Variants in ETNK1 observed in about 807,000 individuals in gnomAD.
The protein encoded by ETNK1 is putative protein product of Nbla10396.
Under a neutral mutation model 45.1 loss-of-function variants are expected in ETNK1, and 8 were observed. The ratio of observed to expected loss-of-function variants is 0.18; its 90% CI spans 0.10 to 0.32. The LOEUF (loss-of-function observed/expected upper bound fraction) is 0.32, where lower values mean the gene tolerates loss of function less well. Among genes scored for constraint, ETNK1 ranks in the 10% least tolerant of loss-of-function variants. ETNK1 has a pLI of 1.00. For synonymous variants in ETNK1, 152 were observed against 151.9 expected (o/e 1.00, Z -0.01); for missense variants, 302 against 430.6 (o/e 0.70, Z 2.64).
chr12:22,644,381 C>T, intron 2 of ETNK1: 2 of 1,354,676 alleles, frequency 1.5e-6, no homozygotes, highest in East Asian at 5.5e-5. Context: ...TTTCAGAGTT[C>T]TTGCCTATTA....
intron 2 of ETNK1, among the ~76,000 whole-genome samples, chr12:22,649,736 A>G (rs1328085821): frequency 1.3e-5 from 2 of 152,094 alleles, no homozygotes; most frequent in African/African-American, 4.8e-5. Flanking sequence ...TTTACATTTT[A>G]AAATGGACTT....
At chr12:22,629,340 T>A (rs1953545325) in intron 1 of ETNK1, among the ~76,000 whole-genome samples, 1 of 152,166 alleles carries the variant, frequency 6.6e-6, no homozygotes, top group South Asian at 2.1e-4. Context: ...GGTTTTTGCC[T>A]GTTATTGAAT....
chr12:22,681,632 A>T (rs1422219865), intron 6 of ETNK1, among the ~76,000 whole-genome samples: 1 of 148,872 alleles, frequency 6.7e-6, no homozygotes, highest in Non-Finnish European at 1.5e-5. Context: ...ACATTTAAGT[A>T]TATATATATA....
intron 1 of ETNK1, among the ~76,000 whole-genome samples, chr12:22,633,974 C>T (rs891941351): frequency 1.3e-5 from 2 of 152,036 alleles, no homozygotes; most frequent in African/African-American, 2.4e-5. Flanking sequence ...AAGGACCTCT[C>T]TAACACACTT....
At chr12:22,634,078 A>G (rs529689427) in intron 1 of ETNK1, among the ~76,000 whole-genome samples, 89 of 152,238 alleles carry the variant, frequency 5.8e-4, no homozygotes, top group African/African-American at 1.9e-3. Flanking sequence ...GATATATGCT[A>G]TAGATTTTCT....
chr12:22,668,959 A>G (rs1323727630), intron 4 of ETNK1, among the ~76,000 whole-genome samples: 1 of 152,230 alleles, frequency 6.6e-6, no homozygotes, highest in African/African-American at 2.4e-5. Context: ...AATTCTAAAT[A>G]TAATTTTGAA....
Position 22,682,320 on chromosome 12 carries a change from C to T in ETNK1, c.946-2163C>T, listed in dbSNP as rs754838471. ...TTTTATCATTGGCAACAAATATTGTCAGTTATTTTCACTGAAATGGCAAGT... is the reference window on the plus strand; with the variant it reads ...TTTTATCATTGGCAACAAATATTGTTAGTTATTTTCACTGAAATGGCAAGT... On this transcript the variant is annotated intron_variant, in intron 6 of 7. Coordinates refer to ENST00000266517, the MANE Select transcript of ETNK1 (RefSeq NM_018638.5). 8 of 484,232 alleles carry T rather than the reference C, an allele frequency of 1.7e-5. No homozygotes were observed. The Admixed American group carries it at 1.7e-4, about 10-fold the overall frequency. The allele number at this position is 484,232 out of a possible 1,614,324, so 30.0% of individuals were successfully genotyped here.
intron 2 of ETNK1, among the ~76,000 whole-genome samples, chr12:22,653,298 T>G (rs1953900639): frequency 6.6e-6 from 1 of 152,158 alleles, no homozygotes; most frequent in African/African-American, 2.4e-5. Context: ...AGTGAAAGAC[T>G]TCCAACTTTA....
intron 2 of ETNK1, among the ~76,000 whole-genome samples, chr12:22,653,688 C>G (rs891516399): frequency 6.6e-6 from 1 of 151,910 alleles, no homozygotes; most frequent in Non-Finnish European, 1.5e-5. Context: ...CTGATTTTTG[C>G]GTATTGATTT....
intron 1 of ETNK1, among the ~76,000 whole-genome samples, chr12:22,642,406 T>C (rs1953751089): frequency 6.6e-6 from 1 of 152,044 alleles, no homozygotes; most frequent in South Asian, 2.1e-4. Flanking sequence ...TACAGTCTTT[T>C]TGAAATCTAG....
At chr12:22,662,782 C>T (rs557815065) in intron 4 of ETNK1, among the ~76,000 whole-genome samples, 5 of 152,110 alleles carry the variant, frequency 3.3e-5, no homozygotes, top group Non-Finnish European at 5.9e-5. Flanking sequence ...ATAGTAAAGC[C>T]TAAGAATTCA....
intron 2 of ETNK1, among the ~76,000 whole-genome samples, chr12:22,655,770 T>C (rs1375058903): frequency 6.6e-6 from 1 of 152,226 alleles, no homozygotes; most frequent in Admixed American, 6.5e-5. Context: ...ACATTAGATC[T>C]GAAAGATAAC....
At chr12:22,677,494 G>C (rs987163956) in intron 6 of ETNK1, among the ~76,000 whole-genome samples, 1 of 152,072 alleles carries the variant, frequency 6.6e-6, no homozygotes, top group East Asian at 1.9e-4. Context: ...GCTATGCAGG[G>C]TCTTTTTTGG....
intron 1 of ETNK1, among the ~76,000 whole-genome samples, chr12:22,636,763 C>T (rs908282679): frequency 9.2e-5 from 14 of 152,116 alleles, no homozygotes; most frequent in African/African-American, 3.4e-4. Context: ...CAACTATTTA[C>T]ATAACATCTA....
intron 1 of ETNK1, among the ~76,000 whole-genome samples, chr12:22,635,939 A>T (rs982185058): frequency 2.6e-5 from 4 of 152,106 alleles, no homozygotes; most frequent in Non-Finnish European, 5.9e-5. Flanking sequence ...GCACTTTGGG[A>T]GCCTGAGGTG....
At chr12:22,658,648 G>A (rs1006477430) in intron 2 of ETNK1, among the ~76,000 whole-genome samples, 9 of 152,220 alleles carry the variant, frequency 5.9e-5, no homozygotes, top group Non-Finnish European at 1.3e-4. Context: ...GCATGGGCAA[G>A]TGGGAATGTA....
chr12:22,626,935 ACT>A (rs1439033241), intron 1 of ETNK1, among the ~76,000 whole-genome samples: 2 of 152,096 alleles, frequency 1.3e-5, no homozygotes, highest in Admixed American at 1.3e-4. Context: ...ATTATATAAG[ACT>A]CTAAAATTTA....
At chr12:22,654,042 T>C (rs554048415) in intron 2 of ETNK1, among the ~76,000 whole-genome samples, 31 of 152,204 alleles carry the variant, frequency 2.0e-4, no homozygotes, top group Admixed American at 7.2e-4. Context: ...AAGAGGTGTG[T>C]CCCTTTGGCA....
rs529143809 is a variant in ETNK1, at chr12:22,670,934, A to G, written c.701-338A>G. ...TTCCAAAGATAAAAATTATGTTTCT[A>G]ATTAAACTTGAATTTTTAAGTAACT... is the stretch of plus-strand genomic sequence containing the variant. On this transcript the variant is annotated intron_variant, in intron 4 of 7. Coordinates refer to ENST00000266517, the MANE Select transcript of ETNK1 (RefSeq NM_018638.5). Among the ~76,000 whole-genome samples the G allele has an allele frequency of 6.6e-5, 10 of 152,356 alleles. No homozygotes were observed. In the South Asian group the frequency reaches 2.1e-3, roughly 32 times the overall value.
Sources: gnomAD v4.1 joint callset for allele counts (sites outside exome capture counted in the v4.1 genomes callset) on GRCh38, gnomAD v4.1.1 for gene constraint, MANE v1.5 for transcripts, NCBI Gene and HGNC (gene_info 2026-07-23, HGNC 2026-07-21) for gene names.